The following MED15 variants were observed in gnomAD, a reference collection of about 807,000 sequenced individuals.
MED15 encodes mediator complex subunit 15.
Under a neutral mutation model 118.7 loss-of-function variants are expected in MED15, and 41 were observed. That is an observed-to-expected ratio of 0.35 (90% CI 0.27 to 0.45). The LOEUF is 0.45. Ranked by LOEUF, MED15 falls within the 20% of genes least tolerant of loss-of-function variation. MED15 has a pLI of 1.00. For missense variants in MED15, 740 were observed against 1,025.5 expected, an observed-to-expected ratio of 0.72 and a Z score of 3.80; for synonymous variants, 436 against 413.9, an observed-to-expected ratio of 1.05 and a Z score of -0.65.
At chr22:20,507,791 C>A (rs781252354) in intron 1 of MED15, 45 bp downstream of exon 1, 1 of 1,612,334 alleles carries the variant, frequency 6.2e-7, no homozygotes, top group Admixed American at 1.7e-5. Context: ...GGACCTTCCT[C>A]CTTAGCGTGG....
At chr22:20,516,719 G>A (rs968881926) in intron 1 of MED15, among the ~76,000 whole-genome samples, 4 of 152,162 alleles carry the variant, frequency 2.6e-5, no homozygotes, top group Non-Finnish European at 5.9e-5. Context: ...GGGCTGTGGG[G>A]TACTAGCCTC....
Position 20,582,832 on chromosome 22 carries a change from G to C in MED15, c.1410-8G>C. On this transcript the variant is annotated splice_region_variant and splice_polypyrimidine_tract_variant and intron_variant, in intron 10 of 17. Coordinates refer to ENST00000263205, the MANE Select transcript of MED15 (RefSeq NM_001003891.3). The stretch of plus-strand genomic sequence containing the variant: ...CCCGGCTCACATGTTTCTCTCACTT[G>C]GCTGCAGCTCTGGCCCTGCCCCATC... 6.2e-7 allele frequency: 1 copy of C among 1,610,424 alleles called. No homozygotes were observed. Among genetic ancestry groups the C allele is most frequent in the Non-Finnish European group, 8.5e-7 (1 of 1,179,328 alleles).
At chr22:20,557,678 C>G (rs1331606807) in intron 5 of MED15, among the ~76,000 whole-genome samples, 1 of 152,174 alleles carries the variant, frequency 6.6e-6, no homozygotes, top group African/African-American at 2.4e-5. Flanking sequence ...GAGACTTTGT[C>G]TTAAACCAGT....
intron 5 of MED15, among the ~76,000 whole-genome samples, chr22:20,555,394 C>T (rs191476955): frequency 6.6e-6 from 1 of 152,200 alleles, no homozygotes; most frequent in Non-Finnish European, 1.5e-5. Context: ...GTGGGGATGG[C>T]CTGAGACTCC....
chr22:20,551,105 C>G (rs1349710136), intron 2 of MED15: 2 of 543,448 alleles, frequency 3.7e-6, no homozygotes, highest in African/African-American at 3.8e-5. Flanking sequence ...CTCATCACCC[C>G]CAACCTGCCT....
At chr22:20,573,237 G>C (rs1030994153) in intron 8 of MED15, among the ~76,000 whole-genome samples, 16 of 152,196 alleles carry the variant, frequency 1.1e-4, no homozygotes, top group Admixed American at 9.8e-4. Flanking sequence ...CAAAGTGCTG[G>C]AATTACAGGC....
rs760194540 is a variant in MED15 at position 20,584,923 on chromosome 22, C to T, written c.1872C>T (p.Ala624=). 80 of 1,613,922 alleles carry T rather than the reference C, an allele frequency of 5.0e-5. No individual in the cohort carries two copies. The highest frequency in any genetic ancestry group is 1.8e-5 in the Non-Finnish European group (21 of 1,180,030). Residue 624 remains alanine (A), a synonymous_variant, in exon 15 of 18, where the codon GCC becomes GCT. Coordinates refer to ENST00000263205, the MANE Select transcript of MED15 (RefSeq NM_001003891.3). ...ACCTATGCCAGCCGCTCCTGGATGC[C>T]GTCCTGGCCAACATCCGCTCACCTG... ...QQYLCQPLLD[A]VLANIRSPVF...
intron 1 of MED15, among the ~76,000 whole-genome samples, chr22:20,534,082 A>G (rs73386119): frequency 6.6e-6 from 1 of 152,208 alleles, no homozygotes; most frequent in African/African-American, 2.4e-5. Flanking sequence ...CACAGAGCCC[A>G]TCTGTGTAAC....
intron 5 of MED15, among the ~76,000 whole-genome samples, chr22:20,558,060 G>A (rs546607058): frequency 8.5e-5 from 13 of 152,286 alleles, no homozygotes; most frequent in South Asian, 4.2e-4. Flanking sequence ...GGGCGAGATC[G>A]TGCCACTGCA....
intron 13 of MED15, 119 bp from the exon 14 acceptor site, chr22:20,584,240 C>A: frequency 1.0e-6 from 1 of 998,384 alleles, no homozygotes. Context: ...AGCTGGTCAA[C>A]TGGTAGGAGC....
At chr22:20,532,161 C>T (rs146736308) in intron 1 of MED15, among the ~76,000 whole-genome samples, 340 of 152,224 alleles carry the variant, frequency 2.2e-3, no homozygotes, top group Non-Finnish European at 4.2e-3. Flanking sequence ...GGAATGGGAA[C>T]GGGAGACAGA....
chr22:20,578,944 G>GT (rs2056899482), intron 9 of MED15, among the ~76,000 whole-genome samples: 1 of 152,230 alleles, frequency 6.6e-6, no homozygotes, highest in African/African-American at 2.4e-5. Flanking sequence ...GCATCTTCCT[G>GT]TTACGGTGGG....
chr22:20,566,526 ACAG>A lies in MED15; in HGVS notation c.784_786del (p.Gln262del). 0.027 allele frequency: 31,948 copies of A among 1,199,362 alleles called. 73 individuals are homozygous for A. The highest frequency in any genetic ancestry group is 0.067 in the African/African-American group (4,318 of 64,044). The allele number at this position is 1,199,362 out of a possible 1,614,324, so 74.3% of individuals were successfully genotyped here. On this transcript the variant is annotated inframe_deletion, in exon 7 of 18. Transcript: ENST00000263205. ...CACAGCTGCAGCTCCAACAACAGCA[ACAG>A]CAGCAGCAGCAGCAGCAGCAGCAGC...
At chr22:20,537,082 T>C in intron 1 of MED15, 35 bp from the exon 2 acceptor site, 1 of 1,595,558 alleles carries the variant, frequency 6.3e-7, no homozygotes, top group Non-Finnish European at 8.6e-7. Context: ...GAGTCACTGG[T>C]GTGTGCAAAC....
intron 3 of MED15, chr22:20,551,735 G>A (rs1328078757): frequency 2.0e-5 from 11 of 550,684 alleles, no homozygotes; most frequent in South Asian, 6.5e-5. Context: ...TGGTCTAAAC[G>A]GGTTGCTGCT....
intron 2 of MED15, chr22:20,550,931 A>G (rs1190943129): frequency 2.8e-6 from 1 of 352,228 alleles, no homozygotes; most frequent in Admixed American, 3.8e-5. Context: ...CGGAAAGCGC[A>G]GCCAGGGGAG....
At chr22:20,571,848 A>G (rs1273972244) in intron 8 of MED15, among the ~76,000 whole-genome samples, 1 of 152,240 alleles carries the variant, frequency 6.6e-6, no homozygotes, top group Non-Finnish European at 1.5e-5. Context: ...GTGGAGAGGA[A>G]CAGAAGTAAG....
chr22:20,544,326 C>T (rs2055436872), intron 2 of MED15, among the ~76,000 whole-genome samples: 1 of 152,128 alleles, frequency 6.6e-6, no homozygotes. Context: ...TCGTATGTTT[C>T]CTGTGGCTGC....
chr22:20,586,611 C>G lies in MED15; in HGVS notation c.2274C>G (p.Ser758=). 1 of 1,613,098 alleles carries G rather than the reference C, an allele frequency of 6.2e-7. No homozygotes were observed. Among genetic ancestry groups the G allele is most frequent in the Admixed American group, 1.7e-5 (1 of 60,034 alleles). ...FLQSVHRCMT[S]RLLQLPDKHS... ...AGTCGGTGCACCGCTGCATGACCTC[C>G]AGGCTGCTGCAGCTCCCGGACAAGC... is the stretch of plus-strand genomic sequence containing the variant. Residue 758 remains serine (S), a synonymous_variant, in exon 18 of 18, where the codon TCC becomes TCG. Coordinates refer to ENST00000263205, the MANE Select transcript of MED15 (RefSeq NM_001003891.3).
Sources: allele counts gnomAD v4.1 joint callset (sites outside exome capture counted in the v4.1 genomes callset), GRCh38; gene constraint gnomAD v4.1.1; transcripts MANE v1.5; gene names NCBI Gene and HGNC (gene_info 2026-07-23, HGNC 2026-07-21).